TRHDE: variants seen among roughly 807,000 people sequenced by gnomAD.
The protein encoded by TRHDE is thyrotropin-releasing hormone-degrading ectoenzyme.
A neutral mutation model predicts 125.7 loss-of-function variants in TRHDE; 72 were observed. The ratio of observed to expected loss-of-function variants is 0.57; its 90% CI spans 0.47 to 0.70. The LOEUF (loss-of-function observed/expected upper bound fraction) is 0.70. TRHDE is among the 30% of genes least tolerant of loss of function. The pLI is 0.00. For missense variants in TRHDE, 1,110 were observed against 1,327.1 expected, an observed-to-expected ratio of 0.84 and a Z score of 2.54; for synonymous variants, 509 against 509.1, an observed-to-expected ratio of 1.00 and a Z score of 0.00.
intron 2 of TRHDE, among the ~76,000 whole-genome samples, chr12:72,123,403 A>T (rs1875638003): frequency 6.6e-6 from 1 of 152,152 alleles, no homozygotes; most frequent in Non-Finnish European, 1.5e-5. Flanking sequence ...GAGAAATTTG[A>T]AAAACTCAGA....
intron 2 of TRHDE, among the ~76,000 whole-genome samples, chr12:72,319,162 G>C (rs1454876908): frequency 6.6e-6 from 1 of 152,166 alleles, no homozygotes; most frequent in Admixed American, 6.5e-5. Flanking sequence ...ATGTCCAGCT[G>C]ACTGCTGATG....
chr12:72,231,640 C>CGGTA (rs1006466019), intron 2 of TRHDE, among the ~76,000 whole-genome samples: 1 of 152,146 alleles, frequency 6.6e-6, no homozygotes, highest in African/African-American at 2.4e-5. Flanking sequence ...CTAAAAAAAA[C>CGGTA]TACCCATTTT....
intron 3 of TRHDE, among the ~76,000 whole-genome samples, chr12:72,448,696 A>G (rs976788789): frequency 4.6e-5 from 7 of 152,136 alleles, no homozygotes; most frequent in Admixed American, 3.9e-4. Context: ...GTAAAATGCT[A>G]TTACAGGTTA....
At chr12:72,154,202 G>C (rs1378276561) in intron 2 of TRHDE, among the ~76,000 whole-genome samples, 7 of 152,028 alleles carry the variant, frequency 4.6e-5, no homozygotes, top group Admixed American at 4.6e-4. Flanking sequence ...TGTTTTATCA[G>C]AGACTAGGAT....
chr12:72,616,439 C>A (rs1872814195), intron 12 of TRHDE, among the ~76,000 whole-genome samples: 1 of 151,990 alleles, frequency 6.6e-6, no homozygotes, highest in Non-Finnish European at 1.5e-5. Context: ...TTAGTTCCAT[C>A]CTTTTATTTT....
chr12:72,603,938 G>T (rs1872321146), intron 12 of TRHDE, among the ~76,000 whole-genome samples: 1 of 152,044 alleles, frequency 6.6e-6, no homozygotes, highest in African/African-American at 2.4e-5. Context: ...ATTTCTACAA[G>T]CAAAAATAAT....
intron 15 of TRHDE, among the ~76,000 whole-genome samples, chr12:72,648,897 T>C (rs1874389177): frequency 6.6e-6 from 1 of 151,488 alleles, no homozygotes; most frequent in South Asian, 2.1e-4. Context: ...TGAAAGAAAA[T>C]AAAGAAGACA....
chr12:72,550,919 A>G (rs979782716), intron 7 of TRHDE, among the ~76,000 whole-genome samples: 1 of 151,968 alleles, frequency 6.6e-6, no homozygotes, highest in African/African-American at 2.4e-5. Flanking sequence ...CCATTATTTC[A>G]GTGTATACAT....
chr12:72,639,573 G>A (rs1304813236), intron 15 of TRHDE, among the ~76,000 whole-genome samples: 1 of 150,844 alleles, frequency 6.6e-6, no homozygotes, highest in Non-Finnish European at 1.5e-5. Context: ...AGGAGGAGAG[G>A]CGCTCTGCTT....
intron 3 of TRHDE, among the ~76,000 whole-genome samples, chr12:72,462,383 C>A (rs1050445493): frequency 1.3e-5 from 2 of 152,130 alleles, no homozygotes; most frequent in Non-Finnish European, 2.9e-5. Context: ...TTTAGAAGAG[C>A]CGCAGAGCTC....
rs1425285167 is a variant in TRHDE, at chr12:72,273,477, G to A, written c.834G>A (p.Leu278=). 6.2e-7 allele frequency: 1 copy of A among 1,613,530 alleles called. No individual in the cohort carries two copies. Among genetic ancestry groups the A allele is most frequent in the African/African-American group, 1.3e-5 (1 of 74,916 alleles). The part of the protein sequence containing the change: ...RTLDAQRNYN[L]KIIYNALIEN... ...TGGACGCGCAGAGGAATTACAATCT[G>A]AAGATTATCTACAACGCGCTCATCG... Residue 278 remains leucine, a synonymous_variant, in exon 1 of 19, where the codon CTG becomes CTA. Coordinates refer to ENST00000261180, the MANE Select transcript of TRHDE (RefSeq NM_013381.3). The surrounding 1 kb of genome is among the most constrained non-coding windows in gnomAD (Gnocchi z 5.3).
intron 3 of TRHDE, among the ~76,000 whole-genome samples, chr12:72,455,708 G>C (rs959973447): frequency 1.3e-5 from 2 of 152,080 alleles, no homozygotes; most frequent in African/African-American, 4.8e-5. Flanking sequence ...TGAGATGTTA[G>C]AAGTGTCAGA....
chr12:72,234,096 A>C (rs1206114380), intron 2 of TRHDE, among the ~76,000 whole-genome samples: 1 of 152,226 alleles, frequency 6.6e-6, no homozygotes, highest in Non-Finnish European at 1.5e-5. Flanking sequence ...GAAAACACTA[A>C]ATTTTATTGT....
intron 2 of TRHDE, among the ~76,000 whole-genome samples, chr12:72,207,439 AT>A (rs1482493378): frequency 6.6e-6 from 1 of 152,124 alleles, no homozygotes; most frequent in African/African-American, 2.4e-5. Flanking sequence ...CCATATGTCA[AT>A]ACTAGTGAGA....
At chr12:72,471,590 C>T (rs1449027035) in intron 4 of TRHDE, among the ~76,000 whole-genome samples, 1 of 152,168 alleles carries the variant, frequency 6.6e-6, no homozygotes, top group Non-Finnish European at 1.5e-5. Context: ...TTGTCATTAA[C>T]CAATTAATTT....
chr12:72,488,481 C>A (rs1877514027), intron 5 of TRHDE, among the ~76,000 whole-genome samples: 1 of 151,744 alleles, frequency 6.6e-6, no homozygotes. Context: ...GTGTATGCAC[C>A]CAACACTGGA....
At chr12:72,631,686 A>C (rs1873501609) in intron 15 of TRHDE, among the ~76,000 whole-genome samples, 1 of 151,944 alleles carries the variant, frequency 6.6e-6, no homozygotes, top group African/African-American at 2.4e-5. Context: ...GGCCTAGAGA[A>C]TTGTATTTTG....
In TRHDE at chr12:72,273,134, C is replaced by A; in HGVS notation, c.491C>A (p.Thr164Asn). 6.4e-7 allele frequency: 1 copy of A among 1,551,992 alleles called. No homozygotes were observed. Among genetic ancestry groups the A allele is most frequent in the African/African-American group, 1.4e-5 (1 of 73,846 alleles). Reference protein sequence around the residue: ...PEAGGVASPGTTSAQPPSEEE... With the variant: ...PEAGGVASPGNTSAQPPSEEE... ...GCGGGTGGGGTGGCCAGTCCGGGGA[C>A]CACGTCGGCCCAGCCGCCGTCGGAG... Residue 164 changes from threonine to asparagine, a missense_variant, in exon 1 of 19, where the codon ACC (threonine) becomes AAC (asparagine). By Grantham distance (65) the Thr-to-Asn change is moderately conservative. Transcript: ENST00000261180. This position sits in a 1 kb window ranked among gnomAD's most constrained non-coding sequence, Gnocchi z 5.3.
intron 2 of TRHDE, among the ~76,000 whole-genome samples, chr12:72,324,467 A>G (rs559301641): frequency 9.2e-5 from 14 of 152,240 alleles, no homozygotes; most frequent in South Asian, 2.1e-4. Context: ...CATGAAGGAT[A>G]TAAAAAGGAA....
Sources: gnomAD v4.1 joint callset for allele counts (sites outside exome capture counted in the v4.1 genomes callset) on GRCh38, gnomAD v4.1.1 for gene constraint, Gnocchi (gnomAD v3.1) non-coding constraint, MANE v1.5 for transcripts, NCBI Gene and HGNC (gene_info 2026-07-23, HGNC 2026-07-21) for gene names.